Variants in ANO3 observed in about 807,000 individuals in gnomAD.
ANO3 encodes the protein anoctamin 3.
Under a neutral mutation model 144.8 loss-of-function variants are expected in ANO3, and 99 were observed. The observed-to-expected ratio is 0.68, with a 90% CI of 0.58 to 0.81. ANO3 has a LOEUF of 0.81. Among genes scored for constraint, ANO3 ranks in the 30% least tolerant of loss-of-function variants. ANO3 has a pLI of 0.00. For missense variants in ANO3, 905 were observed against 1,202.2 expected, an observed-to-expected ratio of 0.75 and a Z score of 3.66; for synonymous variants, 414 against 392.6, an observed-to-expected ratio of 1.05 and a Z score of -0.64.
chr11:26,297,910 A>C (rs1372719716), intron 1 of ANO3, among the ~76,000 whole-genome samples: 1 of 152,204 alleles, frequency 6.6e-6, no homozygotes, highest in Non-Finnish European at 1.5e-5. Context: ...TGATGTGAGA[A>C]GCCAAGACCA....
At chr11:26,286,666 A>G (rs1853814175) in intron 1 of ANO3, among the ~76,000 whole-genome samples, 1 of 152,180 alleles carries the variant, frequency 6.6e-6, no homozygotes, top group Admixed American at 6.5e-5. Flanking sequence ...CTCTCCCAGA[A>G]GATGGCGATA....
chr11:26,581,336 A>G (rs1851124269), intron 14 of ANO3, among the ~76,000 whole-genome samples: 1 of 150,720 alleles, frequency 6.6e-6, no homozygotes, highest in Non-Finnish European at 1.5e-5. Context: ...GCTCACTATA[A>G]TGATGAACAT....
At chr11:26,526,398 T>A (rs1226481049) in intron 7 of ANO3, among the ~76,000 whole-genome samples, 1 of 152,124 alleles carries the variant, frequency 6.6e-6, no homozygotes, top group Non-Finnish European at 1.5e-5. Flanking sequence ...CCCTTGGCCG[T>A]TTTCTGCACC....
intron 1 of ANO3, among the ~76,000 whole-genome samples, chr11:26,348,032 C>CA (rs1396359239): frequency 3.3e-5 from 5 of 152,238 alleles, no homozygotes; most frequent in African/African-American, 1.2e-4. Flanking sequence ...ATATCCACCT[C>CA]AAAAAATTTC....
At chr11:26,633,189 A>G (rs565801793) in intron 18 of ANO3, among the ~76,000 whole-genome samples, 6 of 152,190 alleles carry the variant, frequency 3.9e-5, no homozygotes, top group Non-Finnish European at 8.8e-5. Flanking sequence ...GTTAGATGAG[A>G]CGTATCTATT....
intron 1 of ANO3, among the ~76,000 whole-genome samples, chr11:26,359,937 G>T (rs2133923167): frequency 6.7e-6 from 1 of 150,306 alleles, no homozygotes; most frequent in African/African-American, 2.4e-5. Context: ...GCATATATTG[G>T]AACTTACATA....
rs71047866 is a variant in ANO3 at position 26,559,835 on chromosome 11, TACACACACACACAC to T, written c.1447+83_1447+96del. On this transcript the variant is annotated intron_variant, in intron 14 of 26. Transcript: ENST00000256737. ...TTATTTTCTGAAGCTGTTTCTGTGT[TACACACACACACAC>T]ACACACACACACACACACACACACA... is the stretch of plus-strand genomic sequence containing the variant. 2.4e-4 allele frequency: 160 copies of T among 661,908 alleles called. 1 individual carries two copies. The highest frequency in any genetic ancestry group is 3.2e-4 in the Non-Finnish European group (117 of 369,526). The allele number at this position is 661,908 out of a possible 1,614,324, so 41.0% of individuals were successfully genotyped here. A position where few individuals can be genotyped will look rare whatever the true frequency, so the allele number is the denominator to read the frequency against.
rs1207331452 is a variant in ANO3 at position 26,662,635 on chromosome 11, A to G, written c.*2191A>G. On this transcript the variant is annotated 3_prime_UTR_variant, in exon 27 of 27. Transcript: ENST00000256737. ...CCATATTGATCAACTAGAAAGAAAA[A>G]TATGAAAAGAGAAAAATATTTTAAT... The G allele has an allele frequency of 2.6e-5, 4 of 152,094 alleles. No individual in the cohort carries two copies. Among genetic ancestry groups the G allele is most frequent in the Non-Finnish European group, 5.9e-5 (4 of 67,982 alleles). The allele number at this position is 152,094 out of a possible 1,614,324, so 9.4% of individuals were successfully genotyped here.
intron 18 of ANO3, among the ~76,000 whole-genome samples, chr11:26,629,713 C>A (rs1014595296): frequency 1.2e-4 from 18 of 152,124 alleles, no homozygotes; most frequent in African/African-American, 4.3e-4. Context: ...CTCACCGCAA[C>A]CTCCGCCTCT....
chr11:26,475,571 A>T (rs563196919), intron 4 of ANO3, among the ~76,000 whole-genome samples: 1 of 152,164 alleles, frequency 6.6e-6, no homozygotes, highest in Non-Finnish European at 1.5e-5. Flanking sequence ...GCAATTTTCC[A>T]TACTTACACC....
chr11:26,341,795 C>T (rs993099714), intron 1 of ANO3, among the ~76,000 whole-genome samples: 7 of 152,152 alleles, frequency 4.6e-5, no homozygotes, highest in African/African-American at 1.7e-4. Context: ...CCTGGCAAAC[C>T]ACTGGTGTAA....
At chr11:26,654,616 G>T (rs1853628007) in intron 24 of ANO3, among the ~76,000 whole-genome samples, 1 of 151,840 alleles carries the variant, frequency 6.6e-6, no homozygotes. Flanking sequence ...TTCTACTTGT[G>T]TAGGCAATGT....
intron 1 of ANO3, among the ~76,000 whole-genome samples, chr11:26,265,595 C>G (rs933601835): frequency 1.4e-5 from 2 of 147,534 alleles, no homozygotes; most frequent in South Asian, 2.1e-4. Flanking sequence ...ATAAATGTTA[C>G]TCACACACCA....
In ANO3 at chr11:26,598,902, G is replaced by T. The variant is rs1565133426; in HGVS notation, c.1575G>T (p.Glu525Asp). ...PQFEAKYYKMEIVNPITGKPE... is the reference protein window; with the variant it reads ...PQFEAKYYKMDIVNPITGKPE... ...TTGAAGCCAAGTATTACAAGATGGA[G>T]ATTGTAAATCCCATCACGGGAAAAC... The change falls in exon 16 of 27, where the codon GAG becomes GAT. Residue 525 changes from glutamate (E) to aspartate (D), a missense_variant. Glu to Asp is a conservative substitution (Grantham distance 45). Around this residue, in one of 4 missense-constraint regions of ANO3, gnomAD observed 597 missense variants for 865.1 expected, o/e 0.69. Coordinates refer to ENST00000256737, the MANE Select transcript of ANO3 (RefSeq NM_031418.4). 1 of 1,613,858 alleles carries T rather than the reference G, an allele frequency of 6.2e-7. No individual in the cohort carries two copies. The highest frequency in any genetic ancestry group is 8.5e-7 in the Non-Finnish European group (1 of 1,179,818).
intron 4 of ANO3, among the ~76,000 whole-genome samples, chr11:26,487,856 T>C (rs1309637612): frequency 6.6e-6 from 1 of 152,096 alleles, no homozygotes; most frequent in Non-Finnish European, 1.5e-5. Flanking sequence ...CAAAAGGTGA[T>C]TTAGGTGCTA....
chr11:26,451,454 G>A (rs1036190919), intron 3 of ANO3, among the ~76,000 whole-genome samples: 1 of 152,310 alleles, frequency 6.6e-6, no homozygotes, highest in East Asian at 1.9e-4. Flanking sequence ...GGCTCGGAGG[G>A]TCCTACGCCC....
intron 1 of ANO3, among the ~76,000 whole-genome samples, chr11:26,270,307 T>C (rs565490108): frequency 1.3e-5 from 2 of 152,272 alleles, no homozygotes; most frequent in African/African-American, 4.8e-5. Flanking sequence ...AACTTCTTGA[T>C]TGGGGATGGG....
intron 4 of ANO3, among the ~76,000 whole-genome samples, chr11:26,500,835 G>T (rs1861165354): frequency 6.6e-6 from 1 of 151,392 alleles, no homozygotes; most frequent in Non-Finnish European, 1.5e-5. Context: ...TTTATAATAA[G>T]TAGGGTCTGT....
intron 20 of ANO3, among the ~76,000 whole-genome samples, chr11:26,638,326 T>C (rs760251775): frequency 5.9e-5 from 9 of 152,218 alleles, no homozygotes; most frequent in Non-Finnish European, 1.3e-4. Flanking sequence ...CCTGATACGA[T>C]GTGAGGAAAA....
Sources: gnomAD v4.1 joint callset for allele counts (sites outside exome capture counted in the v4.1 genomes callset) on GRCh38, gnomAD v4.1.1 for gene constraint, gnomAD v4.1.1 regional missense constraint, MANE v1.5 for transcripts, NCBI Gene and HGNC (gene_info 2026-07-23, HGNC 2026-07-21) for gene names.